NKIRAS1: variants seen among roughly 807,000 people sequenced by gnomAD.
NKIRAS1 encodes NFKB inhibitor interacting Ras like 1.
NKIRAS1 carries 16 observed loss-of-function variants against 19.8 expected under a neutral mutation model. The ratio of observed to expected loss-of-function variants is 0.81; its 90% CI spans 0.55 to 1.23. The LOEUF (loss-of-function observed/expected upper bound fraction) is 1.23. Ranked by LOEUF, NKIRAS1 falls within the 50% of genes most tolerant of loss-of-function variation. The pLI is 0.00. For synonymous variants in NKIRAS1, 88 were observed against 79.0 expected (o/e 1.11, Z -0.61); for missense variants, 184 against 220.0 (o/e 0.84, Z 1.04).
At position 23,907,184 on chromosome 3, in the gene NKIRAS1, A is replaced by G. The variant is rs1238913707; in HGVS notation, c.94+3627T>C. ...GCTGGGATTACAGGCGTGAGCCACC[A>G]CACCCGGCTTCTTCCTTATGATTTT... On this transcript the variant is annotated intron_variant, in intron 3 of 4. Coordinates refer to ENST00000425478, the MANE Select transcript of NKIRAS1 (RefSeq NM_020345.4). Among the ~76,000 whole-genome samples, 4 of 152,178 alleles carry G rather than the reference A, an allele frequency of 2.6e-5. No individual in the cohort carries two copies. In the East Asian group the frequency reaches 5.8e-4, roughly 22 times the overall value.
At chr3:23,906,424 C>A in intron 3 of NKIRAS1, among the ~76,000 whole-genome samples, 1 of 152,132 alleles carries the variant, frequency 6.6e-6, no homozygotes, top group East Asian at 1.9e-4. Context: ...TCACAGTATA[C>A]TATACTGCTC....
chr3:23,945,493 C>A, intron 1 of NKIRAS1: 1 of 855,738 alleles, frequency 1.2e-6, no homozygotes, highest in Non-Finnish European at 1.5e-6. Flanking sequence ...GCTTCCAGCC[C>A]GGGGCGGCGC....
intron 1 of NKIRAS1, among the ~76,000 whole-genome samples, chr3:23,930,943 A>G (rs1037465056): frequency 6.6e-6 from 1 of 151,804 alleles, no homozygotes; most frequent in Non-Finnish European, 1.5e-5. Context: ...GGCCTTCCAA[A>G]GTGCTGGGAT....
rs749530012 is a variant in NKIRAS1 at position 23,893,230 on chromosome 3, C to T, written c.444G>A (p.Glu148=). The change falls in exon 5 of 5, where the codon GAG becomes GAA. Residue 148 remains glutamate (E), a synonymous_variant. Coordinates refer to ENST00000425478, the MANE Select transcript of NKIRAS1 (RefSeq NM_020345.4). ...GAGTTTTCCGATCTGTAACAGTCACCTCCCACAGTCTTACTTTCTCACTTT... is the reference window on the plus strand; with the variant it reads ...GAGTTTTCCGATCTGTAACAGTCACTTCCCACAGTCTTACTTTCTCACTTT... ...WAKSEKVRLW[E]VTVTDRKTLI... is the part of the protein sequence containing the mutation. The T allele has an allele frequency of 4.2e-5, 68 of 1,614,040 alleles. No individual in the cohort carries two copies. The highest frequency in any genetic ancestry group is 2.7e-4 in the Admixed American group (16 of 60,002).
intron 1 of NKIRAS1, among the ~76,000 whole-genome samples, chr3:23,929,625 A>T (rs1705271851): frequency 6.6e-6 from 1 of 151,566 alleles, no homozygotes; most frequent in South Asian, 2.1e-4. Flanking sequence ...TTGTTTTTGT[A>T]GAGAAAGGGT....
Position 23,893,242 on chromosome 3 carries a change from T to C in NKIRAS1, c.432A>G (p.Val144=). 6.2e-7 allele frequency: 1 copy of C among 1,614,212 alleles called. No individual in the cohort carries two copies. The highest frequency in any genetic ancestry group is 8.5e-7 in the Non-Finnish European group (1 of 1,180,028). ...CTGTAACAGTCACCTCCCACAGTCT[T>C]ACTTTCTCACTTTTTGCCCACTGCT... ...VAQQWAKSEK[V]RLWEVTVTDR... Residue 144 remains valine (V), a synonymous_variant, in exon 5 of 5, where the codon GTA becomes GTG. Transcript: ENST00000425478.
chr3:23,943,920 T>C (rs112562288), intron 1 of NKIRAS1, among the ~76,000 whole-genome samples: 109 of 152,200 alleles, frequency 7.2e-4, no homozygotes, highest in African/African-American at 1.4e-3. Context: ...ACGAAGCCAT[T>C]GGAGGGTTTT....
rs548694882 is a variant in NKIRAS1 at position 23,911,357 on chromosome 3, G to A, written c.-46C>T. On this transcript the variant is annotated 5_prime_UTR_variant, in exon 2 of 5. Coordinates refer to ENST00000425478, the MANE Select transcript of NKIRAS1 (RefSeq NM_020345.4). ...TAATCCCAGCTACTGGGGAGGCTGAGGCAGGAGAATCACTTGAACCCAGGG... is the reference window on the plus strand; with the variant it reads ...TAATCCCAGCTACTGGGGAGGCTGAAGCAGGAGAATCACTTGAACCCAGGG... 23 of 160,340 alleles carry A rather than the reference G, an allele frequency of 1.4e-4. No individual in the cohort carries two copies. Among genetic ancestry groups the A allele is most frequent in the African/African-American group, 3.1e-4 (13 of 41,612 alleles). The allele number at this position is 160,340 out of a possible 1,614,324, so 9.9% of individuals were successfully genotyped here.
intron 1 of NKIRAS1, among the ~76,000 whole-genome samples, chr3:23,930,593 T>C (rs1250169963): frequency 3.3e-5 from 5 of 152,194 alleles, no homozygotes; most frequent in African/African-American, 1.2e-4. Context: ...TGAAATTAAA[T>C]TTACAGACAA....
upstream of NKIRAS1, chr3:23,921,849 A>T (rs1705098517): frequency 1.3e-5 from 7 of 522,048 alleles, no homozygotes; most frequent in Middle Eastern, 5.0e-4. Context: ...TGCTGGGATT[A>T]CAGGCGTGAG....
At chr3:23,933,185 G>T (rs1287499203) in intron 1 of NKIRAS1, among the ~76,000 whole-genome samples, 1 of 152,146 alleles carries the variant, frequency 6.6e-6, no homozygotes, top group African/African-American at 2.4e-5. Flanking sequence ...GTGGTAATTT[G>T]TTAGAGCAGT....
At chr3:23,918,190 C>G, upstream of NKIRAS1, 4 of 1,020,050 alleles carry the variant, frequency 3.9e-6, no homozygotes, top group Non-Finnish European at 1.4e-6. Context: ...GCACTGTTGT[C>G]TAAAGTGGCA....
chr3:23,895,242 C>A (rs969452074), intron 4 of NKIRAS1, among the ~76,000 whole-genome samples: 2 of 152,194 alleles, frequency 1.3e-5, no homozygotes, highest in Admixed American at 1.3e-4. Context: ...AAACTCCTTG[C>A]TTCAAGCAAT....
In NKIRAS1 at chr3:23,926,259, C is replaced by T. The variant is rs1705209942; in HGVS notation, c.-139-14809G>A. On this transcript the variant is annotated intron_variant, in intron 1 of 4. Transcript: ENST00000421515. This position sits in a 1 kb window ranked among gnomAD's most constrained non-coding sequence, Gnocchi z 4.3. ...TAGAGACAGGGTTTCGCCGTGTTGG[C>T]CAGGCTGGTCTCAAACGCCTGACCT... is the stretch of plus-strand genomic sequence containing the variant. 6.6e-6 allele frequency among the ~76,000 whole-genome samples: 1 copy of T among 152,168 alleles called. No individual in the cohort carries two copies. The highest frequency in any genetic ancestry group is 1.5e-5 in the Non-Finnish European group (1 of 68,022).
At chr3:23,897,458 T>G (rs1274014399) in intron 4 of NKIRAS1, among the ~76,000 whole-genome samples, 2 of 152,106 alleles carry the variant, frequency 1.3e-5, no homozygotes, top group Non-Finnish European at 2.9e-5. Context: ...AAACCAAACA[T>G]GAAAATAAAT....
intron 3 of NKIRAS1, among the ~76,000 whole-genome samples, chr3:23,907,348 G>A (rs1206010973): frequency 6.6e-6 from 1 of 152,132 alleles, no homozygotes; most frequent in Admixed American, 6.5e-5. Context: ...GAGTAGTTAA[G>A]TTTCTGGGGG....
intron 1 of NKIRAS1, among the ~76,000 whole-genome samples, chr3:23,913,909 A>C (rs1434050650): frequency 6.6e-6 from 1 of 152,222 alleles, no homozygotes; most frequent in Non-Finnish European, 1.5e-5. Context: ...TGATATTAGA[A>C]GTTGCTTATC....
chr3:23,900,956 C>T lies in NKIRAS1; in HGVS notation c.188G>A (p.Arg63Lys). 6.2e-7 allele frequency: 1 copy of T among 1,614,184 alleles called. No homozygotes were observed. ...CAGCTCCACGCCTTCCTGTAGACCTCTGGTGTCATAAAGATGTAACTGTTC... is the reference window on the plus strand; with the variant it reads ...CAGCTCCACGCCTTCCTGTAGACCTTTGGTGTCATAAAGATGTAACTGTTC... The part of the protein sequence containing the change: ...VKEQLHLYDT[R>K]GLQEGVELPK... Residue 63 changes from arginine to lysine, a missense_variant, in exon 4 of 5, where the codon AGA (arginine) becomes AAA (lysine). Transcript: ENST00000425478.
At position 23,891,913 on chromosome 3, in the gene NKIRAS1, G is replaced by C. The variant is rs1028663125; in HGVS notation, c.*1182C>G. ...CCGGGGGAAAAGGGTAAGGGGGTGA[G>C]TTAGTGTCTGGTAATTTTTTTTTAC... On this transcript the variant is annotated 3_prime_UTR_variant, in exon 5 of 5. Coordinates refer to ENST00000425478, the MANE Select transcript of NKIRAS1 (RefSeq NM_020345.4). 2 of 152,170 alleles carry C rather than the reference G, an allele frequency of 1.3e-5. No individual in the cohort carries two copies. The highest frequency in any genetic ancestry group is 2.9e-5 in the Non-Finnish European group (2 of 68,018). 9.4% of individuals were successfully genotyped at this position (152,170 alleles called of 1,614,324 possible).
Sources: gnomAD v4.1 joint callset for allele counts (sites outside exome capture counted in the v4.1 genomes callset) on GRCh38, gnomAD v4.1.1 for gene constraint, Gnocchi (gnomAD v3.1) non-coding constraint, MANE v1.5 for transcripts, NCBI Gene and HGNC (gene_info 2026-07-23, HGNC 2026-07-21) for gene names.